The following MAP7D3 variants were observed in gnomAD, a reference collection of about 807,000 sequenced individuals.
The protein encoded by MAP7D3 is MAP7 domain containing 3, also known as MAP7 domain-containing protein 3.
A neutral mutation model predicts 62.2 loss-of-function variants in MAP7D3; 45 were observed. That is an observed-to-expected ratio of 0.72 (90% CI 0.57 to 0.93). The LOEUF (loss-of-function observed/expected upper bound fraction) is 0.93, where lower values mean the gene tolerates loss of function less well. Among genes scored for constraint, MAP7D3 ranks in the 40% least tolerant of loss-of-function variants. The pLI is 0.00. For missense variants in MAP7D3, 711 were observed against 683.1 expected, an observed-to-expected ratio of 1.04 and a Z score of -0.45; for synonymous variants, 288 against 248.8, an observed-to-expected ratio of 1.16 and a Z score of -1.48.
intron 12 of MAP7D3, among the ~76,000 whole-genome samples, chrX:136,226,938 G>A (rs1254990216): frequency 9.1e-6 from 1 of 110,193 alleles, no homozygotes; most frequent in African/African-American, 3.3e-5. Context: ...AGACCAGCCT[G>A]GCCAACATGG....
In MAP7D3 at chrX:136,242,418, T is replaced by A. The variant is rs369154153; in HGVS notation, c.418-1141A>T. ...GTTCCTATCCCATTTCATATACACC[T>A]CCTGTCCACACTCATCCCTCCTCAG... On this transcript the variant is annotated intron_variant, in intron 4 of 18. Coordinates refer to ENST00000316077, the MANE Select transcript of MAP7D3 (RefSeq NM_024597.4). Among the ~76,000 whole-genome samples the A allele has an allele frequency of 5.4e-5, 6 of 110,344 alleles. No homozygotes were observed. In the South Asian group the frequency reaches 1.2e-3, roughly 22 times the overall value.
chrX:136,224,748 T>C lies in MAP7D3; in HGVS notation c.2193+79A>G, dbSNP rs765023101. The C allele has an allele frequency of 3.5e-5, 22 of 625,485 alleles. No homozygotes were observed. The African/African-American group carries it at 4.5e-4, about 13-fold the overall frequency. 51.5% of individuals were successfully genotyped at this position (625,485 alleles called of 1,213,427 possible). A position where few individuals can be genotyped will look rare whatever the true frequency, so the allele number is the denominator to read the frequency against. ...AATACTTTATTTCATTACCACCAGA[T>C]TGGGTAAAGTGAAAAACTCGGCAAT... is the stretch of plus-strand genomic sequence containing the variant. On this transcript the variant is annotated intron_variant, in intron 14 of 18. Transcript: ENST00000316077.
chrX:136,216,359 T>TAAAAAAAAAAAAAA (rs58245551), downstream of MAP7D3, among the ~76,000 whole-genome samples: 6 of 25,493 alleles, frequency 2.4e-4, no homozygotes, highest in African/African-American at 3.5e-4. Flanking sequence ...ACCCTATCTC[T>TAAAAAAAAAAAAAA]AAAAAAAAAA....
chrX:136,243,977 C>T (rs1367925376), intron 4 of MAP7D3, among the ~76,000 whole-genome samples: 1 of 111,413 alleles, frequency 9.0e-6, no homozygotes, highest in Non-Finnish European at 1.9e-5. Context: ...CAACAGAGTG[C>T]CAAAGACACC....
At position 136,229,989 on chromosome X, in the gene MAP7D3, A is replaced by T. The variant is rs1320419519; in HGVS notation, c.1750+396T>A. On this transcript the variant is annotated intron_variant, in intron 10 of 18. Coordinates refer to ENST00000316077, the MANE Select transcript of MAP7D3 (RefSeq NM_024597.4). ...TATATATATATATATATATATATAT[A>T]TATATTTTTTTTTTTTTTGTAGAAA... is the stretch of plus-strand genomic sequence containing the variant. 4.1e-3 allele frequency among the ~76,000 whole-genome samples: 189 copies of T among 46,571 alleles called. 3 individuals carry two copies. Among genetic ancestry groups the T allele is most frequent in the African/African-American group, 6.6e-3 (79 of 11,969 alleles). The allele number at this position is 46,571 out of a possible 115,157, so 40.4% of individuals were successfully genotyped here. A position where few individuals can be genotyped will look rare whatever the true frequency, so the allele number is the denominator to read the frequency against.
chrX:136,230,322 T>C, intron 10 of MAP7D3, 63 bp downstream of exon 10: 1 of 670,926 alleles, frequency 1.5e-6, no homozygotes, highest in Non-Finnish European at 2.3e-6. Flanking sequence ...GAAGTGAACC[T>C]TTCCCAGAAT....
At chrX:136,238,098 G>A (rs1389066015) in intron 6 of MAP7D3, among the ~76,000 whole-genome samples, 2 of 111,601 alleles carry the variant, frequency 1.8e-5, no homozygotes, top group African/African-American at 6.5e-5. Flanking sequence ...GTGTATATGT[G>A]CCACATTTTC....
rs1023479047 is a variant in MAP7D3, at chrX:136,236,989, C to G, written c.641-650G>C. ...TCAGAGGCTCAGGTCCTGGACCTTA[C>G]AAGTTAAATAGTTATAACTAGTATT... is the stretch of plus-strand genomic sequence containing the variant. On this transcript the variant is annotated intron_variant, in intron 6 of 18. Transcript: ENST00000316077. 3.6e-5 allele frequency among the ~76,000 whole-genome samples: 4 copies of G among 111,691 alleles called. No homozygotes were observed. The East Asian group carries it at 1.1e-3, about 31-fold the overall frequency.
At position 136,217,824 on chromosome X, in the gene MAP7D3, C is replaced by T. The variant is rs1456948766; in HGVS notation, c.*702G>A. 3.6e-5 allele frequency: 4 copies of T among 110,998 alleles called. No individual in the cohort carries two copies. Among genetic ancestry groups the T allele is most frequent in the Non-Finnish European group, 7.6e-5 (4 of 52,953 alleles). The allele number at this position is 110,998 out of a possible 1,213,427, so 9.1% of individuals were successfully genotyped here. A position where few individuals can be genotyped will look rare whatever the true frequency, so the allele number is the denominator to read the frequency against. ...ATCCCAACACTTTGGGAGGCCAAGA[C>T]GGGTGGATCTCTTGAGGCCAGGATT... On this transcript the variant is annotated 3_prime_UTR_variant, in exon 19 of 19. Transcript: ENST00000316077.
intron 14 of MAP7D3, 139 bp from the exon 15 acceptor site, chrX:136,222,625 T>C: frequency 2.1e-6 from 1 of 476,306 alleles, no homozygotes; most frequent in South Asian, 3.8e-5. Flanking sequence ...ATATAACCTC[T>C]TTTAACTGGC....
intron 10 of MAP7D3, among the ~76,000 whole-genome samples, chrX:136,229,999 T>A (rs1403881140): frequency 1.5e-4 from 14 of 92,971 alleles, no homozygotes; most frequent in African/African-American, 4.7e-4. Flanking sequence ...ATATATTTTT[T>A]TTTTTTTTGT....
chrX:136,229,038 C>G (rs2074231584), intron 10 of MAP7D3: 1 of 158,708 alleles, frequency 6.3e-6, no homozygotes, highest in African/African-American at 3.1e-5. Context: ...ACTGAATCAA[C>G]TGACCCCATG....
At chrX:136,251,482 G>A (rs1404142133), upstream of MAP7D3, 1 of 729,332 alleles carries the variant, frequency 1.4e-6, no homozygotes, top group Non-Finnish European at 1.7e-6. Flanking sequence ...GCGGGGCGGG[G>A]CCCGAAGGGC....
chrX:136,225,762 G>T, intron 13 of MAP7D3, 147 bp downstream of exon 13: 1 of 434,750 alleles, frequency 2.3e-6, no homozygotes, highest in Non-Finnish European at 4.0e-6. Flanking sequence ...GGAGAAGTCA[G>T]ATCCTTGGAT....
rs1358689185 is a variant in MAP7D3, at chrX:136,231,958, C to T, written c.999G>A (p.Val333=). 3 of 1,209,370 alleles carry T rather than the reference C, an allele frequency of 2.5e-6. No individual in the cohort carries two copies. In the Admixed American group the frequency reaches 6.6e-5, roughly 26 times the overall value. ...TCACCACAGGGAATGAGTCCGTGCTCACCTCAGGGGCCATGCCCACACCTG... is the reference window on the plus strand; with the variant it reads ...TCACCACAGGGAATGAGTCCGTGCTTACCTCAGGGGCCATGCCCACACCTG... ...PKAGVGMAPE[V]STDSFPVVSV... Residue 333 remains valine, a synonymous_variant, in exon 8 of 19, where the codon GTG becomes GTA. Coordinates refer to ENST00000316077, the MANE Select transcript of MAP7D3 (RefSeq NM_024597.4).
intron 12 of MAP7D3, 53 bp downstream of exon 12, chrX:136,227,231 C>G: frequency 8.7e-7 from 1 of 1,150,640 alleles, no homozygotes; most frequent in Non-Finnish European, 1.2e-6. Context: ...TGGGTTCCAT[C>G]TGAACTTTAT....
At chrX:136,221,670 C>T (rs1190444111) in intron 15 of MAP7D3, 1 of 112,658 alleles carries the variant, frequency 8.9e-6, no homozygotes, top group Non-Finnish European at 1.9e-5. Flanking sequence ...TCCTCAATGC[C>T]CTAAGGCAGA....
chrX:136,229,991 A>ATT (rs1458959720), intron 10 of MAP7D3, among the ~76,000 whole-genome samples: 8 of 50,927 alleles, frequency 1.6e-4, no homozygotes, highest in African/African-American at 4.9e-4. Context: ...ATATATATAT[A>ATT]TATTTTTTTT....
intron 1 of MAP7D3, 69 bp from the exon 2 acceptor site, chrX:136,246,410 C>CAAA (rs2074449659): frequency 1.5e-6 from 1 of 649,870 alleles, no homozygotes; most frequent in African/African-American, 2.2e-5. Flanking sequence ...GTCAGCAAAC[C>CAAA]ACGGCCAATT....
Sources: gnomAD v4.1 joint callset for allele counts (sites outside exome capture counted in the v4.1 genomes callset) on GRCh38, gnomAD v4.1.1 for gene constraint, MANE v1.5 for transcripts, NCBI Gene and HGNC (gene_info 2026-07-23, HGNC 2026-07-21) for gene names.